Variants in SUGCT observed in about 807,000 individuals in gnomAD.
SUGCT encodes succinyl-CoA:glutarate-CoA transferase, also known as succinyl-CoA:glutarate CoA-transferase.
In SUGCT, 41 loss-of-function variants were observed where a neutral mutation model predicts 55.0. The observed-to-expected ratio is 0.74, with a 90% CI of 0.58 to 0.97. The LOEUF (loss-of-function observed/expected upper bound fraction) is 0.97. Among genes scored for constraint, SUGCT ranks in the 50% least tolerant of loss-of-function variants. The pLI, the probability that SUGCT is intolerant of heterozygous loss-of-function variation, is 0.00. For synonymous variants in SUGCT, 187 were observed against 200.4 expected (o/e 0.93, Z 0.56); for missense variants, 568 against 547.8 (o/e 1.04, Z -0.37).
chr7:40,556,028 C>G (rs767386899), intron 12 of SUGCT, among the ~76,000 whole-genome samples: 2 of 152,110 alleles, frequency 1.3e-5, no homozygotes, highest in Non-Finnish European at 2.9e-5. Context: ...AACACATAAT[C>G]TCTTTGAAGG....
chr7:40,186,493 A>G (rs956938755), intron 3 of SUGCT, among the ~76,000 whole-genome samples: 1 of 152,076 alleles, frequency 6.6e-6, no homozygotes, highest in Non-Finnish European at 1.5e-5. Context: ...TCCTGGCCTC[A>G]AGTGATCCAC....
chr7:40,348,150 C>T (rs1484156156), intron 9 of SUGCT, among the ~76,000 whole-genome samples: 1 of 152,218 alleles, frequency 6.6e-6, no homozygotes, highest in Non-Finnish European at 1.5e-5. Flanking sequence ...CGCTGGAGCC[C>T]ACCCCCACTT....
At chr7:40,578,390 A>G (rs1201299747) in intron 12 of SUGCT, among the ~76,000 whole-genome samples, 3 of 151,242 alleles carry the variant, frequency 2.0e-5, no homozygotes, top group Non-Finnish European at 2.9e-5. Flanking sequence ...CCCCACCTCC[A>G]CCCCTTGCCT....
At chr7:41,032,090 G>A in the SUGCT span, among the ~76,000 whole-genome samples, 1 of 152,104 alleles carries the variant, frequency 6.6e-6, no homozygotes, top group Admixed American at 6.5e-5. Context: ...AACAAGACAG[G>A]AAATTCATAT....
At chr7:40,462,990 T>A (rs1018285723) in intron 11 of SUGCT, among the ~76,000 whole-genome samples, 3 of 152,206 alleles carry the variant, frequency 2.0e-5, no homozygotes. Flanking sequence ...ATATACATGC[T>A]CCAGTTTTTA....
intron 12 of SUGCT, among the ~76,000 whole-genome samples, chr7:40,618,972 G>A (rs1196966548): frequency 2.0e-5 from 3 of 152,098 alleles, no homozygotes; most frequent in Admixed American, 6.5e-5. Flanking sequence ...CCTAATTAGA[G>A]CCATCCGATG....
intron 12 of SUGCT, among the ~76,000 whole-genome samples, chr7:40,706,058 G>A (rs1051583767): frequency 6.6e-6 from 1 of 152,138 alleles, no homozygotes; most frequent in African/African-American, 2.4e-5. Flanking sequence ...CCTAGGAAGG[G>A]CTCAGCATTG....
chr7:40,454,833 G>A (rs893915092), intron 10 of SUGCT, among the ~76,000 whole-genome samples: 1 of 152,170 alleles, frequency 6.6e-6, no homozygotes, highest in South Asian at 2.1e-4. Context: ...TTTGTAGCCA[G>A]CTGACTTCCT....
intron 11 of SUGCT, among the ~76,000 whole-genome samples, chr7:40,495,601 G>A (rs1791930006): frequency 6.6e-6 from 1 of 152,130 alleles, no homozygotes; most frequent in Non-Finnish European, 1.5e-5. Context: ...TCTCATAAAT[G>A]TGTTAGCTTC....
rs118119303 is a variant in SUGCT, at chr7:40,550,564, T to A, written c.1089+54178T>A. On this transcript the variant is annotated intron_variant, in intron 12 of 13. Coordinates refer to ENST00000335693, the MANE Select transcript of SUGCT (RefSeq NM_001193313.2). ...TGAAGCATTTGTTATACATACAATA[T>A]CCTTTCAGGGCTCTTATTCTGAGAC... 7.9e-5 allele frequency among the ~76,000 whole-genome samples: 12 copies of A among 152,354 alleles called. No individual in the cohort carries two copies. In the East Asian group the frequency reaches 2.3e-3, roughly 29 times the overall value.
At chr7:40,495,525 C>T (rs188991900) in intron 11 of SUGCT, among the ~76,000 whole-genome samples, 6 of 151,806 alleles carry the variant, frequency 4.0e-5, no homozygotes, top group Admixed American at 3.9e-4. Context: ...TTGTGGTGTC[C>T]CTATAGATCC....
At chr7:40,796,052 A>G (rs1790537417) in intron 13 of SUGCT, among the ~76,000 whole-genome samples, 1 of 152,152 alleles carries the variant, frequency 6.6e-6, no homozygotes, top group African/African-American at 2.4e-5. Context: ...ATTGTTTATA[A>G]TAACCCATTT....
chr7:40,657,894 A>G (rs1196414174), intron 12 of SUGCT, among the ~76,000 whole-genome samples: 3 of 152,162 alleles, frequency 2.0e-5, no homozygotes, highest in Admixed American at 6.5e-5. Flanking sequence ...AAGAAGATAA[A>G]TGTCTGGCTG....
intron 6 of SUGCT, among the ~76,000 whole-genome samples, chr7:40,210,392 C>T (rs1400099281): frequency 6.6e-6 from 1 of 152,116 alleles, no homozygotes; most frequent in East Asian, 1.9e-4. Context: ...GCTATACACC[C>T]TCAGTTGTGT....
intron 9 of SUGCT, among the ~76,000 whole-genome samples, chr7:40,336,442 T>C (rs1796711847): frequency 6.6e-6 from 1 of 152,208 alleles, no homozygotes; most frequent in Non-Finnish European, 1.5e-5. Context: ...TATTGGTCTA[T>C]TCAGGGATTC....
At chr7:40,900,764 A>G in the SUGCT span, among the ~76,000 whole-genome samples, 2 of 152,250 alleles carry the variant, frequency 1.3e-5, no homozygotes, top group African/African-American at 4.8e-5. Flanking sequence ...AACTTAGGAC[A>G]GAGTAAGGAC....
intron 12 of SUGCT, among the ~76,000 whole-genome samples, chr7:40,748,350 T>C (rs548101738): frequency 6.6e-6 from 1 of 152,310 alleles, no homozygotes; most frequent in Non-Finnish European, 1.5e-5. Flanking sequence ...AGTAGGGATC[T>C]AGAAGCAGGA....
At chr7:40,482,132 G>A (rs79657589) in intron 11 of SUGCT, among the ~76,000 whole-genome samples, 1 of 152,132 alleles carries the variant, frequency 6.6e-6, no homozygotes, top group Non-Finnish European at 1.5e-5. Context: ...GTATAGAGCT[G>A]TATCTGCAAT....
intron 8 of SUGCT, among the ~76,000 whole-genome samples, chr7:40,287,305 G>C (rs1239379035): frequency 6.6e-6 from 1 of 152,054 alleles, no homozygotes; most frequent in Admixed American, 6.6e-5. Flanking sequence ...AAATAAGATA[G>C]TTTTACTTTT....
Sources: allele counts gnomAD v4.1 joint callset (sites outside exome capture counted in the v4.1 genomes callset), GRCh38; gene constraint gnomAD v4.1.1; transcripts MANE v1.5; gene names NCBI Gene and HGNC (gene_info 2026-07-23, HGNC 2026-07-21).